ATRN: variants seen among roughly 807,000 people sequenced by gnomAD.
The protein encoded by ATRN is attractin-2.
A neutral mutation model predicts 178.7 loss-of-function variants in ATRN; 54 were observed. The observed-to-expected ratio is 0.30, with a 90% CI of 0.24 to 0.38. The LOEUF is 0.38. ATRN is among the 10% of genes least tolerant of loss of function. The pLI is 1.00. For synonymous variants in ATRN, 636 were observed against 663.0 expected, an observed-to-expected ratio of 0.96 and a Z score of 0.63; for missense variants, 1,443 against 1,815.1, an observed-to-expected ratio of 0.79 and a Z score of 3.73.
At chr20:3,602,440 A>G (rs1392424652) in intron 23 of ATRN, among the ~76,000 whole-genome samples, 2 of 152,212 alleles carry the variant, frequency 1.3e-5, no homozygotes, top group African/African-American at 4.8e-5. Context: ...TGGTAACTAT[A>G]TTTTATCATT....
At chr20:3,588,976 C>CTTTTTTTTT (rs1375444238) in intron 18 of ATRN, among the ~76,000 whole-genome samples, 13 of 57,606 alleles carry the variant, frequency 2.3e-4, no homozygotes, top group African/African-American at 6.2e-4. Flanking sequence ...GTAGTATTTT[C>CTTTTTTTTT]TTTTGTTTTT....
Position 3,582,161 on chromosome 20 carries a change from C to G in ATRN, c.2571C>G (p.Val857=). The G allele has an allele frequency of 6.2e-7, 1 of 1,614,068 alleles. No homozygotes were observed. The highest frequency in any genetic ancestry group is 8.5e-7 in the Non-Finnish European group (1 of 1,179,962). Residue 857 remains valine, a synonymous_variant, in exon 16 of 29, where the codon GTC becomes GTG. Coordinates refer to ENST00000262919, the MANE Select transcript of ATRN (RefSeq NM_139321.3). ...CCAAGCTCACCTTAACCCCATGGGT[C>G]GGCCTTCGGAAGATCAATGTGTCCT... ...SMSKLTLTPW[V]GLRKINVSYW...
intron 1 of ATRN, among the ~76,000 whole-genome samples, chr20:3,520,752 C>T (rs1172045177): frequency 6.6e-6 from 1 of 152,200 alleles, no homozygotes; most frequent in Non-Finnish European, 1.5e-5. Context: ...CTGCCTCAGC[C>T]TCCCAAAGTG....
intron 24 of ATRN, among the ~76,000 whole-genome samples, chr20:3,609,233 G>T (rs372345236): frequency 6.6e-6 from 1 of 151,880 alleles, no homozygotes; most frequent in Non-Finnish European, 1.5e-5. Context: ...TTGTAAAGAG[G>T]GCTTTCACCT....
At chr20:3,592,972 A>G (rs2086471863) in intron 19 of ATRN, among the ~76,000 whole-genome samples, 1 of 152,250 alleles carries the variant, frequency 6.6e-6, no homozygotes, top group African/African-American at 2.4e-5. Flanking sequence ...TCCGTTAGAC[A>G]GTAACCAGAG....
chr20:3,581,071 G>A (rs890049770), intron 15 of ATRN, among the ~76,000 whole-genome samples: 3 of 151,910 alleles, frequency 2.0e-5, no homozygotes, highest in African/African-American at 7.3e-5. Context: ...GGGAGACCTC[G>A]TCTCTACAAA....
At chr20:3,578,832 A>G in intron 15 of ATRN, 60 bp downstream of exon 15, 1 of 1,491,442 alleles carries the variant, frequency 6.7e-7, no homozygotes, top group African/African-American at 1.4e-5. Flanking sequence ...CAAGGGCATG[A>G]CTGCAGCTTG....
Position 3,562,476 on chromosome 20 carries a change from G to C in ATRN, c.1631+17G>C, listed in dbSNP as rs375088927. Reference sequence around the variant, plus strand: ...CCAGATGTGGTGGGTACTTTTTCTTGAGCTTTCACTTTAAGGTGTAAATTC... The same window carrying C: ...CCAGATGTGGTGGGTACTTTTTCTTCAGCTTTCACTTTAAGGTGTAAATTC... On this transcript the variant is annotated intron_variant, in intron 9 of 28. Transcript: ENST00000262919. 151 of 1,612,022 alleles carry C rather than the reference G, an allele frequency of 9.4e-5. No individual in the cohort carries two copies. The highest frequency in any genetic ancestry group is 1.2e-4 in the Non-Finnish European group (145 of 1,178,888).
intron 1 of ATRN, among the ~76,000 whole-genome samples, chr20:3,524,408 C>T (rs535929413): frequency 2.1e-4 from 32 of 152,248 alleles, no homozygotes; most frequent in African/African-American, 7.7e-4. Flanking sequence ...CACCCAGATT[C>T]GTAAAGCAAG....
intron 3 of ATRN, among the ~76,000 whole-genome samples, chr20:3,544,281 A>G (rs918759805): frequency 6.6e-6 from 1 of 152,158 alleles, no homozygotes; most frequent in Non-Finnish European, 1.5e-5. Flanking sequence ...TGACTCATGC[A>G]GTCAGATTTC....
chr20:3,552,131 T>C (rs887564333), intron 6 of ATRN, among the ~76,000 whole-genome samples: 1 of 152,212 alleles, frequency 6.6e-6, no homozygotes, highest in African/African-American at 2.4e-5. Flanking sequence ...TAATTCCATA[T>C]TCCTTCTCAG....
chr20:3,604,742 A>C (rs1246001285), intron 24 of ATRN, among the ~76,000 whole-genome samples: 1 of 152,204 alleles, frequency 6.6e-6, no homozygotes, highest in Admixed American at 6.5e-5. Flanking sequence ...TTCTAGTCAG[A>C]CAGAGGTGGA....
At chr20:3,501,630 C>G (rs1379475092) in intron 1 of ATRN, among the ~76,000 whole-genome samples, 1 of 152,116 alleles carries the variant, frequency 6.6e-6, no homozygotes, top group South Asian at 2.1e-4. Flanking sequence ...TGCTTGAAGG[C>G]TTTGGAAAGT....
chr20:3,533,439 A>G (rs2085482030), intron 1 of ATRN, among the ~76,000 whole-genome samples: 1 of 152,188 alleles, frequency 6.6e-6, no homozygotes, highest in Non-Finnish European at 1.5e-5. Flanking sequence ...ACTTGTAGAC[A>G]TGTCAGTAAC....
In ATRN at chr20:3,506,065, C is replaced by T. The variant is rs149906728; in HGVS notation, c.411-29188C>T. Among the ~76,000 whole-genome samples, 430 of 152,192 alleles carry T rather than the reference C, an allele frequency of 2.8e-3. 3 individuals carry two copies. The highest frequency in any genetic ancestry group is 5.2e-3 in the Admixed American group (80 of 15,292). On this transcript the variant is annotated intron_variant, in intron 1 of 28. Coordinates refer to ENST00000262919, the MANE Select transcript of ATRN (RefSeq NM_139321.3). ...TATAGACTTGACACACTGACACATA[C>T]ACATACACATACACATACACACACA... is the stretch of plus-strand genomic sequence containing the variant.
chr20:3,600,858 A>G lies in ATRN; in HGVS notation c.3565-88A>G, dbSNP rs573157098. 19 of 1,203,930 alleles carry G rather than the reference A, an allele frequency of 1.6e-5. No individual in the cohort carries two copies. The South Asian group carries it at 2.5e-4, about 16-fold the overall frequency. 74.6% of individuals were successfully genotyped at this position (1,203,930 alleles called of 1,614,324 possible). A position where few individuals can be genotyped will look rare whatever the true frequency, so the allele number is the denominator to read the frequency against. ...ACATCATAAAATGTTTGTGATTAAG[A>G]ACATTTAGAGGAGTAAACTTTATTG... On this transcript the variant is annotated intron_variant, in intron 22 of 28. Coordinates refer to ENST00000262919, the MANE Select transcript of ATRN (RefSeq NM_139321.3).
At chr20:3,508,578 A>G (rs1434350946) in intron 1 of ATRN, among the ~76,000 whole-genome samples, 1 of 152,222 alleles carries the variant, frequency 6.6e-6, no homozygotes, top group African/African-American at 2.4e-5. Flanking sequence ...ATGAAGAACT[A>G]AAGATATTTT....
chr20:3,610,567 ATTTTTTTTTTTT>A (rs35770410), intron 24 of ATRN, among the ~76,000 whole-genome samples: 3 of 93,650 alleles, frequency 3.2e-5, no homozygotes, highest in African/African-American at 1.3e-4. Flanking sequence ...TTCCAGCTGA[ATTTTTTTTTTTT>A]TTTTTTTTTT....
intron 2 of ATRN, among the ~76,000 whole-genome samples, chr20:3,538,819 T>C (rs2085578023): frequency 6.6e-6 from 1 of 152,172 alleles, no homozygotes; most frequent in Admixed American, 6.5e-5. Context: ...CTTGCCCACC[T>C]CCCACTTCTC....
Sources: gnomAD v4.1 joint callset for allele counts (sites outside exome capture counted in the v4.1 genomes callset) on GRCh38, gnomAD v4.1.1 for gene constraint, MANE v1.5 for transcripts, NCBI Gene and HGNC (gene_info 2026-07-23, HGNC 2026-07-21) for gene names.